The following DCC variants were observed in gnomAD, a reference collection of about 807,000 sequenced individuals.
DCC encodes DCC netrin 1 receptor.
DCC carries 58 observed loss-of-function variants against 172.5 expected under a neutral mutation model. The observed-to-expected ratio is 0.34, with a 90% CI of 0.27 to 0.42. DCC has a LOEUF of 0.42. DCC is among the 10% of genes least tolerant of loss of function. DCC has a pLI of 1.00. For missense variants in DCC, 1,740 were observed against 1,791.0 expected (o/e 0.97, Z 0.51); for synonymous variants, 709 against 644.5 (o/e 1.10, Z -1.52).
chr18:53,502,331 G>A (rs539548868), intron 27 of DCC, among the ~76,000 whole-genome samples: 1 of 152,144 alleles, frequency 6.6e-6, no homozygotes, highest in East Asian at 1.9e-4. Flanking sequence ...GTCTTCCTAT[G>A]ATTCCTGTTC....
At chr18:53,464,979 CAAAAAAAAAAAAA>C (rs71179510) in intron 24 of DCC, among the ~76,000 whole-genome samples, 1 of 54,840 alleles carries the variant, frequency 1.8e-5, no homozygotes, top group Non-Finnish European at 3.8e-5. Context: ...AACTCAATCT[CAAAAAAAAAAAAA>C]AAAAAAAAAG....
chr18:52,602,882 AC>A, intron 1 of DCC, among the ~76,000 whole-genome samples: 1 of 152,094 alleles, frequency 6.6e-6, no homozygotes, highest in East Asian at 1.9e-4. Flanking sequence ...TTATTGTCAC[AC>A]TTAACCTGGA....
chr18:53,157,230 T>C, intron 7 of DCC, 126 bp from the exon 8 acceptor site: 2 of 1,178,090 alleles, frequency 1.7e-6, no homozygotes, highest in Non-Finnish European at 2.5e-6. Context: ...CTTGGTTTTC[T>C]TCCTTGCTTT....
intron 1 of DCC, among the ~76,000 whole-genome samples, chr18:52,748,456 C>G (rs894040648): frequency 6.6e-6 from 1 of 152,230 alleles, no homozygotes; most frequent in Non-Finnish European, 1.5e-5. Context: ...CTCCTTCCTG[C>G]CATATGCAGC....
intron 12 of DCC, among the ~76,000 whole-genome samples, chr18:53,216,324 T>C (rs1239517332): frequency 6.6e-6 from 1 of 152,204 alleles, no homozygotes; most frequent in Non-Finnish European, 1.5e-5. Flanking sequence ...CCACTATGCT[T>C]GGACCTCCAG....
chr18:52,633,123 TTCCTG>T (rs373353322), intron 1 of DCC, among the ~76,000 whole-genome samples: 76,987 of 128,342 alleles, frequency 0.6, 20,332 homozygotes, highest in Middle Eastern at 0.74. Flanking sequence ...TTCCTTTCCT[TTCCTG>T]TCCTGTCCTG....
intron 21 of DCC, among the ~76,000 whole-genome samples, chr18:53,424,863 T>TGTA (rs1362373136): frequency 1.3e-5 from 2 of 152,208 alleles, no homozygotes; most frequent in Non-Finnish European, 2.9e-5. Flanking sequence ...TCTGCTCTAA[T>TGTA]GTAGTAGTTC....
At chr18:53,256,698 CTT>C (rs1266088975) in intron 12 of DCC, among the ~76,000 whole-genome samples, 3 of 152,134 alleles carry the variant, frequency 2.0e-5, no homozygotes, top group African/African-American at 7.2e-5. Context: ...AATGCGGACT[CTT>C]TTTTGGTTCC....
At chr18:53,190,308 C>T (rs987847539) in intron 9 of DCC, among the ~76,000 whole-genome samples, 3 of 152,076 alleles carry the variant, frequency 2.0e-5, no homozygotes, top group Non-Finnish European at 2.9e-5. Flanking sequence ...AGAAGAATAG[C>T]AATACTTTGA....
At chr18:53,251,443 T>C (rs1209126047) in intron 12 of DCC, among the ~76,000 whole-genome samples, 4 of 152,004 alleles carry the variant, frequency 2.6e-5, no homozygotes, top group Non-Finnish European at 5.9e-5. Flanking sequence ...TTATGTCCTA[T>C]GGATATAACT....
intron 1 of DCC, among the ~76,000 whole-genome samples, chr18:52,719,408 C>G (rs1009936181): frequency 6.6e-6 from 1 of 152,038 alleles, no homozygotes; most frequent in Admixed American, 6.5e-5. Flanking sequence ...GAGAATAAAG[C>G]GTTGAGTCCA....
chr18:53,385,526 G>T (rs952309911), intron 15 of DCC, among the ~76,000 whole-genome samples: 1 of 152,142 alleles, frequency 6.6e-6, no homozygotes, highest in Admixed American at 6.5e-5. Context: ...GTTCACAGGA[G>T]GTTGTCCCCA....
At chr18:52,405,574 G>A (rs905761787) in intron 1 of DCC, among the ~76,000 whole-genome samples, 19 of 151,330 alleles carry the variant, frequency 1.3e-4, no homozygotes, top group African/African-American at 3.9e-4. Flanking sequence ...ATTCACAATT[G>A]CTTCAAAGAG....
At chr18:52,793,944 G>C (rs890054311) in intron 2 of DCC, among the ~76,000 whole-genome samples, 1 of 151,978 alleles carries the variant, frequency 6.6e-6, no homozygotes, top group African/African-American at 2.4e-5. Context: ...TCAGTTGGCT[G>C]TAAATAGGAG....
At chr18:52,988,812 G>C (rs1359717570) in intron 5 of DCC, among the ~76,000 whole-genome samples, 1 of 151,794 alleles carries the variant, frequency 6.6e-6, no homozygotes. Flanking sequence ...GTAATTTTTT[G>C]TGGGCTATGC....
chr18:52,918,707 C>T (rs2040075872), intron 3 of DCC, among the ~76,000 whole-genome samples: 1 of 152,098 alleles, frequency 6.6e-6, no homozygotes, highest in Non-Finnish European at 1.5e-5. Context: ...AATATACTTT[C>T]TTAATCCTCC....
At chr18:53,202,031 T>A (rs750910936) in intron 9 of DCC, among the ~76,000 whole-genome samples, 14 of 152,160 alleles carry the variant, frequency 9.2e-5, no homozygotes, top group Admixed American at 2.6e-4. Flanking sequence ...TGTAAATATA[T>A]GTGTGTGCGT....
At chr18:52,416,976 T>C (rs1987056877) in intron 1 of DCC, among the ~76,000 whole-genome samples, 1 of 152,214 alleles carries the variant, frequency 6.6e-6, no homozygotes, top group African/African-American at 2.4e-5. Context: ...CTCGATGGTC[T>C]TTACAATTTG....
chr18:52,677,676 A>G (rs78121309), intron 1 of DCC, among the ~76,000 whole-genome samples: 1,871 of 152,178 alleles, frequency 0.012, 41 homozygotes, highest in African/African-American at 0.043. Context: ...GATATCTATG[A>G]CAGATTTTCC....
Sources: gnomAD v4.1 joint callset for allele counts (sites outside exome capture counted in the v4.1 genomes callset) on GRCh38, gnomAD v4.1.1 for gene constraint, MANE v1.5 for transcripts, NCBI Gene and HGNC (gene_info 2026-07-23, HGNC 2026-07-21) for gene names.